Variants in FAM168A observed in about 807,000 individuals in gnomAD.
FAM168A encodes the protein family with sequence similarity 168 member A.
Under a neutral mutation model 28.5 loss-of-function variants are expected in FAM168A, and 3 were observed. The ratio of observed to expected loss-of-function variants is 0.11; its 90% CI spans 0.05 to 0.27. FAM168A has a LOEUF of 0.27. Ranked by LOEUF, FAM168A falls within the 10% of genes least tolerant of loss-of-function variation. The probability of loss-of-function intolerance (pLI) is 1.00; values close to 1 mark genes in which losing one functional copy is unlikely to be tolerated. For missense variants in FAM168A, 222 were observed against 311.5 expected (o/e 0.71, Z 2.16); for synonymous variants, 122 against 124.2 (o/e 0.98, Z 0.12).
chr11:73,594,426 G>T (rs566197930), intron 1 of FAM168A, among the ~76,000 whole-genome samples: 37 of 152,002 alleles, frequency 2.4e-4, no homozygotes, highest in South Asian at 1.5e-3. Context: ...AGGTTTTTTT[G>T]TGTGTGTATT....
chr11:73,425,123 CAG>C (rs545070869), intron 3 of FAM168A: 63 of 1,144,520 alleles, frequency 5.5e-5, no homozygotes, highest in Non-Finnish European at 7.0e-5. Context: ...GTTACATAAA[CAG>C]ACTTTGTTTT....
intron 1 of FAM168A, among the ~76,000 whole-genome samples, chr11:73,507,823 A>G (rs1855144025): frequency 6.6e-6 from 1 of 152,200 alleles, no homozygotes; most frequent in Non-Finnish European, 1.5e-5. Context: ...CGAAACCAGC[A>G]TATATGAAGG....
chr11:73,474,485 T>C (rs1002560942), intron 1 of FAM168A, among the ~76,000 whole-genome samples: 2 of 152,174 alleles, frequency 1.3e-5, no homozygotes, highest in South Asian at 2.1e-4. Context: ...GAAAGCTGGC[T>C]CCTCAAAAGC....
chr11:73,420,096 T>C, intron 3 of FAM168A, 97 bp from the exon 4 acceptor site: 1 of 1,485,078 alleles, frequency 6.7e-7, no homozygotes, highest in Non-Finnish European at 9.1e-7. Flanking sequence ...GACAGAAACA[T>C]ACAACCCAAG....
At chr11:73,416,167 C>CT (rs1866691720) in intron 4 of FAM168A, among the ~76,000 whole-genome samples, 1 of 152,202 alleles carries the variant, frequency 6.6e-6, no homozygotes. Flanking sequence ...ATAAAAGAGG[C>CT]TTTGTTTATG....
intron 2 of FAM168A, among the ~76,000 whole-genome samples, chr11:73,448,292 C>T (rs1159604011): frequency 7.2e-5 from 11 of 151,964 alleles, no homozygotes; most frequent in Admixed American, 5.9e-4. Context: ...GTGATCCGCC[C>T]GCCTCAGCCT....
chr11:73,440,689 ATC>A (rs1867178115), intron 2 of FAM168A, among the ~76,000 whole-genome samples: 1 of 152,224 alleles, frequency 6.6e-6, no homozygotes, highest in Non-Finnish European at 1.5e-5. Flanking sequence ...CCCAGAGAAT[ATC>A]AGTATGACCT....
intron 1 of FAM168A, among the ~76,000 whole-genome samples, chr11:73,511,192 C>A (rs1267279744): frequency 1.3e-5 from 2 of 151,746 alleles, no homozygotes; most frequent in African/African-American, 4.8e-5. Context: ...TTTTTTTCCT[C>A]CCTCGGGTAA....
rs561880648 is a variant in FAM168A at position 73,507,306 on chromosome 11, C to A, written c.-18-38814G>T. ...TTTTATAATTTATTTATGATCCATC[C>A]AAGACTCATCCAAAAACAATGTGAA... is the stretch of plus-strand genomic sequence containing the variant. On this transcript the variant is annotated intron_variant, in intron 1 of 7. Coordinates refer to ENST00000356467, the MANE Select transcript of FAM168A (RefSeq NM_015159.3). Among the ~76,000 whole-genome samples, 303 of 152,194 alleles carry A rather than the reference C, an allele frequency of 2.0e-3. 4 individuals are homozygous for A. The highest frequency in any genetic ancestry group is 1.4e-3 in the Non-Finnish European group (95 of 68,022).
rs779462985 is a variant in FAM168A, at chr11:73,581,907, C to T, written c.-19+16016G>A. 5.3e-5 allele frequency among the ~76,000 whole-genome samples: 8 copies of T among 151,890 alleles called. 1 individual carries two copies. Among genetic ancestry groups the T allele is most frequent in the Non-Finnish European group, 1.0e-4 (7 of 67,988 alleles). On this transcript the variant is annotated intron_variant, in intron 1 of 7. Transcript: ENST00000356467. ...CTAATTTTTGTATTTTTAGTAGAGA[C>T]GAGGTTTCACCACGTTGGCCAGGAT...
At chr11:73,484,721 T>C (rs1347098915) in intron 1 of FAM168A, among the ~76,000 whole-genome samples, 1 of 141,236 alleles carries the variant, frequency 7.1e-6, no homozygotes, top group African/African-American at 2.7e-5. Flanking sequence ...GATATATATA[T>C]AGATATATAT....
intron 1 of FAM168A, among the ~76,000 whole-genome samples, chr11:73,484,528 C>CTA (rs1306391062): frequency 2.2e-5 from 3 of 138,520 alleles, no homozygotes; most frequent in East Asian, 4.0e-4. Context: ...ATATATATAT[C>CTA]TATATATCTA....
chr11:73,487,422 T>G (rs1378042108), intron 1 of FAM168A, among the ~76,000 whole-genome samples: 2 of 152,152 alleles, frequency 1.3e-5, no homozygotes, highest in African/African-American at 4.8e-5. Context: ...CATAAAAACA[T>G]TCAGTTCTGA....
At chr11:73,514,548 C>T (rs1409787134) in intron 1 of FAM168A, among the ~76,000 whole-genome samples, 1 of 152,156 alleles carries the variant, frequency 6.6e-6, no homozygotes, top group African/African-American at 2.4e-5. Flanking sequence ...AAAATAACCT[C>T]CCTGTGAGGT....
chr11:73,546,460 G>A (rs1300823238), intron 1 of FAM168A, among the ~76,000 whole-genome samples: 3 of 152,128 alleles, frequency 2.0e-5, no homozygotes, highest in East Asian at 1.9e-4. Flanking sequence ...GGCTGGGCAC[G>A]GTGGCTCAAC....
intron 2 of FAM168A, among the ~76,000 whole-genome samples, chr11:73,456,881 G>A (rs1867542844): frequency 6.6e-6 from 1 of 152,214 alleles, no homozygotes; most frequent in Admixed American, 6.5e-5. Flanking sequence ...GCTGGAGCTA[G>A]ATGGGCAGTA....
intron 1 of FAM168A, among the ~76,000 whole-genome samples, chr11:73,503,685 T>C (rs1342768230): frequency 1.3e-5 from 2 of 152,204 alleles, no homozygotes; most frequent in Non-Finnish European, 2.9e-5. Context: ...AGACCCTGGA[T>C]AGCCAAGACA....
intron 2 of FAM168A, among the ~76,000 whole-genome samples, chr11:73,431,686 C>A (rs969729346): frequency 2.0e-5 from 3 of 152,180 alleles, no homozygotes; most frequent in African/African-American, 7.2e-5. Flanking sequence ...ACAATCAGCT[C>A]TCAAGAGTTT....
At chr11:73,565,618 G>C (rs553484930) in intron 1 of FAM168A, among the ~76,000 whole-genome samples, 1 of 145,964 alleles carries the variant, frequency 6.9e-6, no homozygotes, top group East Asian at 1.9e-4. Context: ...TGGTCAAATT[G>C]TAAAGCATCA....
Sources: allele counts gnomAD v4.1 joint callset (sites outside exome capture counted in the v4.1 genomes callset), GRCh38; gene constraint gnomAD v4.1.1; transcripts MANE v1.5; gene names NCBI Gene and HGNC (gene_info 2026-07-23, HGNC 2026-07-21).